Variants in PDE10A observed in about 807,000 individuals in gnomAD.
PDE10A encodes phosphodiesterase 10A, also known as cAMP and cAMP-inhibited cGMP 3',5'-cyclic phosphodiesterase 10A.
PDE10A carries 39 observed loss-of-function variants against 97.7 expected under a neutral mutation model. That is an observed-to-expected ratio of 0.40 (90% CI 0.31 to 0.52). The LOEUF (loss-of-function observed/expected upper bound fraction) is 0.52, where lower values mean the gene tolerates loss of function less well. PDE10A is among the 20% of genes least tolerant of loss of function. The pLI, the probability that PDE10A is intolerant of heterozygous loss-of-function variation, is 0.56. For synonymous variants in PDE10A, 371 were observed against 376.8 expected (o/e 0.98, Z 0.18); for missense variants, 731 against 1,047.8 (o/e 0.70, Z 4.17).
At chr6:165,762,488 T>TAAA (rs528042240) in intron 1 of PDE10A, among the ~76,000 whole-genome samples, 68 of 142,552 alleles carry the variant, frequency 4.8e-4, no homozygotes, top group African/African-American at 1.5e-3. Context: ...TCAGGAATAT[T>TAAA]AAAAAAAAAA....
At chr6:165,858,617 G>A (rs551489275) in intron 1 of PDE10A, among the ~76,000 whole-genome samples, 15 of 152,326 alleles carry the variant, frequency 9.8e-5, no homozygotes, top group African/African-American at 2.9e-4. Context: ...CACCTCATCT[G>A]ATGTAGACTT....
chr6:165,619,029 C>G (rs62424864), intron 1 of PDE10A, among the ~76,000 whole-genome samples: 90 of 25,624 alleles, frequency 3.5e-3, no homozygotes, highest in South Asian at 8.6e-3. Flanking sequence ...CTAGCATAGT[C>G]TAGTGTAGTG....
rs549351091 is a variant in PDE10A, at chr6:165,328,131, T to G, written c.*4894A>C. On this transcript the variant is annotated 3_prime_UTR_variant, in exon 22 of 22. Transcript: ENST00000539869. Reference sequence around the variant, plus strand: ...TAGAAACACCTTCTCTGGGTAAATCTATTACACTCTGAACTTGCACACGAA... The same window carrying G: ...TAGAAACACCTTCTCTGGGTAAATCGATTACACTCTGAACTTGCACACGAA... The G allele has an allele frequency of 7.9e-5, 12 of 152,350 alleles. No homozygotes were observed. Among genetic ancestry groups the G allele is most frequent in the African/African-American group, 2.9e-4 (12 of 41,582 alleles). The allele number at this position is 152,350 out of a possible 1,614,324, so 9.4% of individuals were successfully genotyped here. A position where few individuals can be genotyped will look rare whatever the true frequency, so the allele number is the denominator to read the frequency against.
chr6:165,950,232 A>G (rs1364879087), intron 1 of PDE10A, among the ~76,000 whole-genome samples: 3 of 152,204 alleles, frequency 2.0e-5, no homozygotes, highest in African/African-American at 7.2e-5. Flanking sequence ...AAAATACTAC[A>G]ATATTTATCC....
At chr6:165,647,815 G>T (rs1312962819) in intron 1 of PDE10A, among the ~76,000 whole-genome samples, 1 of 152,122 alleles carries the variant, frequency 6.6e-6, no homozygotes, top group Non-Finnish European at 1.5e-5. Context: ...GGAAACAATG[G>T]CTACGTGTCT....
At chr6:165,721,483 A>G (rs1404085319) in intron 1 of PDE10A, among the ~76,000 whole-genome samples, 1 of 152,220 alleles carries the variant, frequency 6.6e-6, no homozygotes, top group Non-Finnish European at 1.5e-5. Flanking sequence ...ACTTTTTGTC[A>G]TTCTTATTTC....
chr6:165,403,011 C>A (rs900611653), intron 13 of PDE10A, among the ~76,000 whole-genome samples: 3 of 152,178 alleles, frequency 2.0e-5, no homozygotes, highest in African/African-American at 4.8e-5. Flanking sequence ...AATCTCTTGT[C>A]CATCATTTAC....
chr6:165,355,110 T>A (rs1406040046), intron 18 of PDE10A, among the ~76,000 whole-genome samples: 1 of 152,230 alleles, frequency 6.6e-6, no homozygotes, highest in African/African-American at 2.4e-5. Flanking sequence ...TTTTAATGAT[T>A]TCCTTTAAAG....
chr6:165,890,946 C>T (rs1028138706), intron 1 of PDE10A, among the ~76,000 whole-genome samples: 1 of 152,238 alleles, frequency 6.6e-6, no homozygotes, highest in African/African-American at 2.4e-5. Context: ...CCAGGTTGGT[C>T]TCCACTCTCT....
chr6:165,557,712 T>C (rs1784327127), intron 1 of PDE10A, among the ~76,000 whole-genome samples: 1 of 152,210 alleles, frequency 6.6e-6, no homozygotes, highest in South Asian at 2.1e-4. Flanking sequence ...ACTTCCTCTA[T>C]AAAAGGATAT....
intron 18 of PDE10A, among the ~76,000 whole-genome samples, chr6:165,373,407 A>G (rs1784397022): frequency 6.6e-6 from 1 of 152,242 alleles, no homozygotes; most frequent in South Asian, 2.1e-4. Flanking sequence ...AACCCCATCA[A>G]AAAGTGGGCA....
chr6:165,490,832 G>A (rs906262031), intron 2 of PDE10A, among the ~76,000 whole-genome samples: 4 of 152,124 alleles, frequency 2.6e-5, no homozygotes, highest in Admixed American at 2.0e-4. Flanking sequence ...GCATATACCT[G>A]TAATCTCAGC....
intron 2 of PDE10A, among the ~76,000 whole-genome samples, chr6:165,516,033 T>C (rs940401002): frequency 6.6e-6 from 1 of 152,178 alleles, no homozygotes; most frequent in Non-Finnish European, 1.5e-5. Context: ...TCTGCTAAAA[T>C]ATCATTTCCT....
chr6:165,482,499 T>C (rs956117876), intron 2 of PDE10A, among the ~76,000 whole-genome samples, 156 bp from the exon 3 acceptor site: 1 of 152,226 alleles, frequency 6.6e-6, no homozygotes, highest in African/African-American at 2.4e-5. Flanking sequence ...CTGTAAAGGT[T>C]GAACATAACA....
intron 18 of PDE10A, among the ~76,000 whole-genome samples, chr6:165,365,467 G>A (rs1368432472): frequency 6.6e-6 from 1 of 152,136 alleles, no homozygotes; most frequent in Non-Finnish European, 1.5e-5. Flanking sequence ...AGGCTGGGGT[G>A]GGAAGATCAT....
At chr6:165,975,251 C>A (rs971372556) in intron 1 of PDE10A, among the ~76,000 whole-genome samples, 2 of 152,178 alleles carry the variant, frequency 1.3e-5, no homozygotes, top group Admixed American at 1.3e-4. Context: ...CTAAAAGTCC[C>A]CCTTAGCCTT....
At chr6:165,446,937 T>TA (rs1419590695) in intron 5 of PDE10A, among the ~76,000 whole-genome samples, 2 of 152,124 alleles carry the variant, frequency 1.3e-5, no homozygotes, top group Non-Finnish European at 2.9e-5. Flanking sequence ...ATTGTACCAG[T>TA]CCTTTAAGTT....
chr6:165,497,961 A>G (rs1167957662), intron 2 of PDE10A, among the ~76,000 whole-genome samples: 1 of 152,214 alleles, frequency 6.6e-6, no homozygotes, highest in Non-Finnish European at 1.5e-5. Context: ...ATGGCTATTT[A>G]TAAACATCTA....
chr6:165,977,541 T>C (rs759041950), intron 1 of PDE10A, among the ~76,000 whole-genome samples: 32 of 152,220 alleles, frequency 2.1e-4, no homozygotes, highest in Non-Finnish European at 3.4e-4. Context: ...CAGACTTCTA[T>C]TATGGGTAAA....
Sources: allele counts gnomAD v4.1 joint callset (sites outside exome capture counted in the v4.1 genomes callset), GRCh38; gene constraint gnomAD v4.1.1; transcripts MANE v1.5; gene names NCBI Gene and HGNC (gene_info 2026-07-23, HGNC 2026-07-21).